Variants in ERP27 observed in about 807,000 individuals in gnomAD.
The protein encoded by ERP27 is endoplasmic reticulum resident protein 27.
ERP27 carries 23 observed loss-of-function variants against 27.7 expected under a neutral mutation model. That is an observed-to-expected ratio of 0.83 (90% CI 0.60 to 1.18). The LOEUF is 1.18. Among genes scored for constraint, ERP27 ranks in the 50% most tolerant of loss-of-function variants. ERP27 has a pLI of 0.00. For missense variants in ERP27, 363 were observed against 327.9 expected, an observed-to-expected ratio of 1.11 and a Z score of -0.83; for synonymous variants, 159 against 118.3, an observed-to-expected ratio of 1.34 and a Z score of -2.23.
At position 14,914,647 on chromosome 12, in the gene ERP27, C is replaced by T. The variant is rs745621279; in HGVS notation, c.*88G>A. On this transcript the variant is annotated 3_prime_UTR_variant, in exon 7 of 7. Transcript: ENST00000266397. ...GTGTGTGGTTGGCAGGCCTAGTGAT[C>T]CTGTTGTTTAGTGTCTCTGAGATTT... 411 of 1,283,668 alleles carry T rather than the reference C, an allele frequency of 3.2e-4. No individual in the cohort carries two copies. Among genetic ancestry groups the T allele is most frequent in the Non-Finnish European group, 4.3e-4 (384 of 902,340 alleles). 79.5% of individuals were successfully genotyped at this position (1,283,668 alleles called of 1,614,324 possible). A position where few individuals can be genotyped will look rare whatever the true frequency, so the allele number is the denominator to read the frequency against.
chr12:14,927,332 CAT>C lies in ERP27; in HGVS notation c.334-6286_334-6285del, dbSNP rs1491579826. ...ATATTTGTGTGTGTGTGCGTGTGTG[CAT>C]GTGTGTGTGTGTGTATATATATATA... On this transcript the variant is annotated intron_variant, in intron 3 of 6. Coordinates refer to ENST00000266397, the MANE Select transcript of ERP27 (RefSeq NM_152321.4). Among the ~76,000 whole-genome samples the C allele has an allele frequency of 4.0e-5, 6 of 150,710 alleles. No individual in the cohort carries two copies. The East Asian group carries it at 5.8e-4, about 15-fold the overall frequency.
At chr12:14,917,076 C>G in intron 5 of ERP27, 102 bp downstream of exon 5, 1 of 1,395,892 alleles carries the variant, frequency 7.2e-7, no homozygotes, top group South Asian at 1.3e-5. Context: ...ATCTCCTAAC[C>G]ATAGTTGTTT....
At chr12:14,933,875 A>G (rs557688320) in intron 3 of ERP27, among the ~76,000 whole-genome samples, 2 of 152,034 alleles carry the variant, frequency 1.3e-5, no homozygotes, top group Non-Finnish European at 2.9e-5. Flanking sequence ...TACTTCTCAC[A>G]TGGTCTATTT....
intron 3 of ERP27, chr12:14,928,972 C>T (rs1173321206): frequency 6.5e-7 from 1 of 1,535,330 alleles, no homozygotes; most frequent in African/African-American, 1.4e-5. Flanking sequence ...AAGTCTCCTT[C>T]ATACTTAAGG....
At position 14,920,999 on chromosome 12, in the gene ERP27, T is replaced by A. The variant is rs1863494277; in HGVS notation, c.383A>T (p.Asp128Val). Residue 128 changes from aspartate to valine, a missense_variant, in exon 4 of 7, where the codon GAT becomes GTT. By Grantham distance (152) the Asp-to-Val change is radical. Transcript: ENST00000266397. The part of the protein sequence containing the change: ...NLEDEDIESI[D>V]ATKLSRFIEI... Reference sequence around the variant, plus strand: ...AATGAAACGGCTCAATTTGGTGGCATCAATGCTTTCAATGTCTTCGTCCTC... The same window carrying A: ...AATGAAACGGCTCAATTTGGTGGCAACAATGCTTTCAATGTCTTCGTCCTC... The A allele has an allele frequency of 1.2e-6, 2 of 1,614,174 alleles. No homozygotes were observed. The highest frequency in any genetic ancestry group is 2.2e-5 in the East Asian group (1 of 44,876).
At chr12:14,921,442 G>C (rs2445380) in intron 3 of ERP27, among the ~76,000 whole-genome samples, 98,873 of 152,020 alleles carry the variant, frequency 0.65, 32,370 homozygotes, top group East Asian at 0.86. Context: ...GCTGCTGTTA[G>C]TTCACTGTGA....
chr12:14,917,440 G>A (rs1339370989), intron 4 of ERP27, 137 bp from the exon 5 acceptor site: 4 of 1,196,116 alleles, frequency 3.3e-6, no homozygotes, highest in African/African-American at 1.5e-5. Context: ...CTTCCAAGAT[G>A]GCTCTCAGTT....
rs1863377963 is a variant in ERP27, at chr12:14,914,591, CACGCGTGCGT to C, written c.*134_*143del. Reference sequence around the variant, plus strand: ...GTGTGTGTGTGTGCGTGTGTGTGTGCACGCGTGCGTGCGTGTGTGCACGTGCGTGTGTGTG... The same window carrying C: ...GTGTGTGTGTGTGCGTGTGTGTGTGCGCGTGTGTGCACGTGCGTGTGTGTG... On this transcript the variant is annotated 3_prime_UTR_variant, in exon 7 of 7. Transcript: ENST00000266397. 6.0e-5 allele frequency: 36 copies of C among 601,556 alleles called. 1 individual carries two copies. In the South Asian group the frequency reaches 6.9e-4, roughly 11 times the overall value. 37.3% of individuals were successfully genotyped at this position (601,556 alleles called of 1,614,324 possible).
At chr12:14,918,776 G>A (rs750566960) in intron 4 of ERP27, among the ~76,000 whole-genome samples, 4 of 152,080 alleles carry the variant, frequency 2.6e-5, no homozygotes, top group Middle Eastern at 3.2e-3. Context: ...GGGCCCAGTA[G>A]GTCCTTTCCT....
At chr12:14,938,279 C>CA (rs1249187557) in intron 1 of ERP27, 136 bp downstream of exon 1, 74 of 822,952 alleles carry the variant, frequency 9.0e-5, no homozygotes, top group Non-Finnish European at 1.2e-4. Flanking sequence ...CTCTACCAGG[C>CA]AAAATGCACT....
intron 2 of ERP27, among the ~76,000 whole-genome samples, chr12:14,936,547 T>C (rs1863776651): frequency 6.6e-6 from 1 of 152,218 alleles, no homozygotes; most frequent in Non-Finnish European, 1.5e-5. Flanking sequence ...AGATGGCCAG[T>C]TGATATGGTT....
Position 14,938,486 on chromosome 12 carries a change from A to G in ERP27, c.23T>C (p.Phe8Ser), listed in dbSNP as rs1269793506. 1.9e-6 allele frequency: 3 copies of G among 1,613,476 alleles called. No homozygotes were observed. Among genetic ancestry groups the G allele is most frequent in the Non-Finnish European group, 2.5e-6 (3 of 1,179,790 alleles). The change falls in exon 1 of 7, where the codon TTC becomes TCC. Residue 8 changes from phenylalanine (F) to serine (S), a missense_variant. Phe to Ser is a radical substitution (Grantham distance 155). Coordinates refer to ENST00000266397, the MANE Select transcript of ERP27 (RefSeq NM_152321.4). MEAAPSR[F>S]MFLLFLLTCE... Reference sequence around the variant, plus strand: ...CGTGAGGAGAAATAAGAGGAACATGAACCTGGACGGGGCAGCTTCCATTGT... The same window carrying G: ...CGTGAGGAGAAATAAGAGGAACATGGACCTGGACGGGGCAGCTTCCATTGT...
intron 3 of ERP27, among the ~76,000 whole-genome samples, chr12:14,933,861 T>A (rs1439468198): frequency 5.3e-5 from 8 of 152,204 alleles, no homozygotes; most frequent in Admixed American, 5.2e-4. Flanking sequence ...CTACAGACTC[T>A]TAATACTTCT....
intron 1 of ERP27, 60 bp downstream of exon 1, chr12:14,938,355 C>T (rs1257331652): frequency 2.0e-6 from 3 of 1,528,108 alleles, no homozygotes; most frequent in African/African-American, 2.7e-5. Context: ...CACCATGCTC[C>T]CTTTCCTTCT....
At chr12:14,922,133 C>A (rs754235157) in intron 3 of ERP27, among the ~76,000 whole-genome samples, 1 of 152,050 alleles carries the variant, frequency 6.6e-6, no homozygotes, top group Non-Finnish European at 1.5e-5. Context: ...TACATATATG[C>A]CTCTGTATCC....
rs548482236 is a variant in ERP27 at position 14,917,015 on chromosome 12, A to G, written c.576+163T>C. 7.9e-5 allele frequency among the ~76,000 whole-genome samples: 12 copies of G among 152,312 alleles called. No individual in the cohort carries two copies. In the South Asian group the frequency reaches 2.3e-3, roughly 29 times the overall value. On this transcript the variant is annotated intron_variant, in intron 5 of 6. Transcript: ENST00000266397. Reference sequence around the variant, plus strand: ...TGCCTTTAATATGATAAAATACAACATCTCTAATTTCAAATAATGTGATTT... The same window carrying G: ...TGCCTTTAATATGATAAAATACAACGTCTCTAATTTCAAATAATGTGATTT...
At chr12:14,922,066 C>T (rs1863512534) in intron 3 of ERP27, among the ~76,000 whole-genome samples, 1 of 152,130 alleles carries the variant, frequency 6.6e-6, no homozygotes, top group Non-Finnish European at 1.5e-5. Flanking sequence ...TACTGATGAA[C>T]ATTGGTTGTT....
chr12:14,934,067 C>A (rs1030663080), intron 3 of ERP27, among the ~76,000 whole-genome samples: 4 of 152,194 alleles, frequency 2.6e-5, no homozygotes, highest in Non-Finnish European at 1.5e-5. Flanking sequence ...TGGTATTCTA[C>A]TTTTTCCCCA....
chr12:14,921,649 T>A (rs1863505852), intron 3 of ERP27, among the ~76,000 whole-genome samples: 1 of 152,200 alleles, frequency 6.6e-6, no homozygotes, highest in South Asian at 2.1e-4. Context: ...GAGAAAAATA[T>A]AACACAGTAT....
Sources: gnomAD v4.1 joint callset for allele counts (sites outside exome capture counted in the v4.1 genomes callset) on GRCh38, gnomAD v4.1.1 for gene constraint, MANE v1.5 for transcripts, NCBI Gene and HGNC (gene_info 2026-07-23, HGNC 2026-07-21) for gene names.